The following TUSC3 variants were observed in gnomAD, a reference collection of about 807,000 sequenced individuals.
TUSC3 encodes the protein dolichyl-diphosphooligosaccharide--protein glycosyltransferase subunit TUSC3.
Under a neutral mutation model 44.8 loss-of-function variants are expected in TUSC3, and 45 were observed. The observed-to-expected ratio is 1.00, with a 90% CI of 0.79 to 1.29. The LOEUF (loss-of-function observed/expected upper bound fraction) is 1.29, where lower values mean the gene tolerates loss of function less well. Ranked by LOEUF, TUSC3 falls within the 50% of genes most tolerant of loss-of-function variation. The pLI is 0.00. For missense variants in TUSC3, 519 were observed against 437.9 expected, an observed-to-expected ratio of 1.19 and a Z score of -1.65; for synonymous variants, 212 against 152.9, an observed-to-expected ratio of 1.39 and a Z score of -2.85.
At chr8:15,724,307 A>T (rs1034152681) in intron 6 of TUSC3, among the ~76,000 whole-genome samples, 5 of 152,118 alleles carry the variant, frequency 3.3e-5, no homozygotes, top group African/African-American at 1.2e-4. Flanking sequence ...TGTTAGGGCA[A>T]CCAAGCAGAC....
At chr8:15,778,454 A>C in the TUSC3 span, among the ~76,000 whole-genome samples, 1 of 152,276 alleles carries the variant, frequency 6.6e-6, no homozygotes, top group South Asian at 2.1e-4. Context: ...CCTGACTCAC[A>C]GAAGAAAACT....
At chr8:15,449,727 T>C (rs1233645798) in intron 1 of TUSC3, among the ~76,000 whole-genome samples, 1 of 152,136 alleles carries the variant, frequency 6.6e-6, no homozygotes, top group Non-Finnish European at 1.5e-5. Flanking sequence ...GGCTTAGAAA[T>C]TAATTTTTAT....
chr8:15,461,237 C>T (rs180900182), intron 1 of TUSC3, among the ~76,000 whole-genome samples: 30 of 152,078 alleles, frequency 2.0e-4, no homozygotes, highest in African/African-American at 5.5e-4. Context: ...AGAGGTCTTT[C>T]GCCTCCTTGT....
chr8:15,669,659 C>A (rs956004211), intron 5 of TUSC3, among the ~76,000 whole-genome samples: 52 of 151,624 alleles, frequency 3.4e-4, no homozygotes, highest in African/African-American at 1.2e-3. Flanking sequence ...TTAATAGGTT[C>A]AGTGTTTATG....
the TUSC3 span, among the ~76,000 whole-genome samples, chr8:15,773,882 T>C: frequency 6.6e-6 from 1 of 152,186 alleles, no homozygotes; most frequent in Non-Finnish European, 1.5e-5. Context: ...TGCCTCACAC[T>C]GTATACATAA....
chr8:15,711,207 G>GT (rs1387074703), intron 6 of TUSC3, among the ~76,000 whole-genome samples: 2 of 151,492 alleles, frequency 1.3e-5, no homozygotes, highest in East Asian at 3.9e-4. Context: ...AAAAATTCCT[G>GT]TAAGTCTCTC....
At chr8:15,546,325 C>T (rs550561322) in intron 1 of TUSC3, among the ~76,000 whole-genome samples, 1 of 151,734 alleles carries the variant, frequency 6.6e-6, no homozygotes, top group Non-Finnish European at 1.5e-5. Context: ...CAGTTTTTAT[C>T]TAATCACTTG....
the TUSC3 span, among the ~76,000 whole-genome samples, chr8:15,845,291 T>G: frequency 6.6e-6 from 1 of 152,150 alleles, no homozygotes; most frequent in African/African-American, 2.4e-5. Context: ...ACGTGAATTC[T>G]GCAAAGTGAG....
intron 1 of TUSC3, among the ~76,000 whole-genome samples, chr8:15,483,115 G>T (rs1427707502): frequency 2.0e-5 from 3 of 152,176 alleles, no homozygotes; most frequent in Middle Eastern, 3.4e-3. Context: ...GGGAAGAAAA[G>T]AATAATTTGA....
At chr8:15,795,199 G>T in the TUSC3 span, among the ~76,000 whole-genome samples, 3 of 152,144 alleles carry the variant, frequency 2.0e-5, no homozygotes, top group Admixed American at 1.3e-4. Flanking sequence ...ATCAGTTTCT[G>T]TATCGACCTT....
rs754771151 is a variant in TUSC3 at position 15,497,957 on chromosome 8, C to T, written n.189+14474C>T. Among the ~76,000 whole-genome samples the T allele has an allele frequency of 2.0e-5, 3 of 152,046 alleles. No homozygotes were observed. In the South Asian group the frequency reaches 6.2e-4, roughly 32 times the overall value. Reference sequence around the variant, plus strand: ...AGAGATGGGGTTTCACCATGTTTGCCAGGCTGGTCTCAAACTCCTGACCTA... The same window carrying T: ...AGAGATGGGGTTTCACCATGTTTGCTAGGCTGGTCTCAAACTCCTGACCTA... On this transcript the variant is annotated intron_variant and non_coding_transcript_variant, in intron 2 of 5. Transcript: ENST00000503191.
chr8:15,435,661 C>T (rs543827546), intron 1 of TUSC3, among the ~76,000 whole-genome samples: 1 of 152,108 alleles, frequency 6.6e-6, no homozygotes, highest in African/African-American at 2.4e-5. Flanking sequence ...TTGACTCCCT[C>T]TTTTTAGCAG....
At chr8:15,470,967 G>T (rs1248351317) in intron 1 of TUSC3, among the ~76,000 whole-genome samples, 1 of 151,986 alleles carries the variant, frequency 6.6e-6, no homozygotes, top group African/African-American at 2.4e-5. Flanking sequence ...ATGAATGAAT[G>T]AATGAATGAA....
intron 1 of TUSC3, among the ~76,000 whole-genome samples, chr8:15,462,563 G>T (rs1800359826): frequency 6.6e-6 from 1 of 151,996 alleles, no homozygotes; most frequent in Admixed American, 6.6e-5. Context: ...CAGAATTTGG[G>T]AAGCTTTCCT....
chr8:15,468,043 A>G (rs975967290), intron 1 of TUSC3, among the ~76,000 whole-genome samples: 1 of 152,230 alleles, frequency 6.6e-6, no homozygotes, highest in Non-Finnish European at 1.5e-5. Context: ...AATACTGATT[A>G]GTAATTAAAA....
chr8:15,783,794 G>C, the TUSC3 span, among the ~76,000 whole-genome samples: 5 of 152,104 alleles, frequency 3.3e-5, no homozygotes, highest in African/African-American at 1.2e-4. Context: ...GCATTGGTCT[G>C]GGCAGTAATT....
chr8:15,783,104 C>T, the TUSC3 span, among the ~76,000 whole-genome samples: 66 of 152,036 alleles, frequency 4.3e-4, 1 homozygote, highest in Non-Finnish European at 1.2e-4. Context: ...ATTCCACTTA[C>T]AATAGCATTT....
chr8:15,699,151 C>G (rs1431555365), intron 6 of TUSC3, among the ~76,000 whole-genome samples: 1 of 152,232 alleles, frequency 6.6e-6, no homozygotes, highest in Middle Eastern at 3.4e-3. Flanking sequence ...GTGCAGCCAT[C>G]TTCAGCCTAT....
At chr8:15,601,379 T>G (rs1293286987) in intron 1 of TUSC3, among the ~76,000 whole-genome samples, 2 of 151,646 alleles carry the variant, frequency 1.3e-5, no homozygotes, top group Admixed American at 6.6e-5. Context: ...AGCAACGGGT[T>G]TATAGTTTGA....
Sources: gnomAD v4.1 joint callset for allele counts (sites outside exome capture counted in the v4.1 genomes callset) on GRCh38, gnomAD v4.1.1 for gene constraint, MANE v1.5 for transcripts, NCBI Gene and HGNC (gene_info 2026-07-23, HGNC 2026-07-21) for gene names.